TNFSF4: variants seen among roughly 807,000 people sequenced by gnomAD.
TNFSF4 encodes the protein tumor necrosis factor ligand superfamily member 4.
A neutral mutation model predicts 7.3 loss-of-function variants in TNFSF4; 4 were observed. That is an observed-to-expected ratio of 0.55 (90% CI 0.27 to 1.25). The LOEUF (loss-of-function observed/expected upper bound fraction) is 1.25, where lower values mean the gene tolerates loss of function less well. Among genes scored for constraint, TNFSF4 ranks in the 50% most tolerant of loss-of-function variants. The pLI, the probability that TNFSF4 is intolerant of heterozygous loss-of-function variation, is 0.12. For missense variants in TNFSF4, 181 were observed against 208.8 expected, an observed-to-expected ratio of 0.87 and a Z score of 0.82; for synonymous variants, 76 against 83.7, an observed-to-expected ratio of 0.91 and a Z score of 0.50.
intron 1 of TNFSF4, among the ~76,000 whole-genome samples, chr1:173,204,002 G>T (rs917371054): frequency 6.6e-6 from 1 of 152,138 alleles, no homozygotes; most frequent in African/African-American, 2.4e-5. Context: ...TATTCTTACA[G>T]GGCATTCACT....
the TNFSF4 span, among the ~76,000 whole-genome samples, chr1:173,296,524 A>G: frequency 2.0e-5 from 3 of 151,980 alleles, no homozygotes; most frequent in Non-Finnish European, 4.4e-5. Context: ...CACACAAGTG[A>G]TCATTTACTC....
the TNFSF4 span, among the ~76,000 whole-genome samples, chr1:173,245,795 T>C: frequency 6.6e-6 from 1 of 152,192 alleles, no homozygotes; most frequent in Non-Finnish European, 1.5e-5. Flanking sequence ...TGTACTTCTA[T>C]GAGATCTACT....
the TNFSF4 span, among the ~76,000 whole-genome samples, chr1:173,263,804 C>G: frequency 1.3e-5 from 2 of 152,150 alleles, no homozygotes; most frequent in East Asian, 3.9e-4. Flanking sequence ...AGAGCCATAG[C>G]CTTGGGAAGG....
chr1:173,329,059 T>C, the TNFSF4 span, among the ~76,000 whole-genome samples: 1 of 152,188 alleles, frequency 6.6e-6, no homozygotes, highest in East Asian at 1.9e-4. Flanking sequence ...TAAACAATTA[T>C]AGAAAGTATA....
chr1:173,448,042 C>T, the TNFSF4 span, among the ~76,000 whole-genome samples: 3 of 152,102 alleles, frequency 2.0e-5, no homozygotes, highest in Non-Finnish European at 2.9e-5. Context: ...AGAGATATTG[C>T]ATAATGGGAT....
the TNFSF4 span, among the ~76,000 whole-genome samples, chr1:173,226,744 C>T: frequency 6.6e-6 from 1 of 152,180 alleles, no homozygotes; most frequent in African/African-American, 2.4e-5. Context: ...CAGCTGTTAA[C>T]TGAACTGACT....
chr1:173,442,982 G>C, the TNFSF4 span, among the ~76,000 whole-genome samples: 1 of 152,106 alleles, frequency 6.6e-6, no homozygotes. Flanking sequence ...ACCATGCCAG[G>C]CCACTCAGTT....
chr1:173,228,680 G>C, the TNFSF4 span, among the ~76,000 whole-genome samples: 1 of 152,072 alleles, frequency 6.6e-6, no homozygotes, highest in Admixed American at 6.5e-5. Flanking sequence ...TAAAAACCTT[G>C]AAAAAAGATT....
At chr1:173,250,192 CTTG>C in the TNFSF4 span, among the ~76,000 whole-genome samples, 1 of 150,510 alleles carries the variant, frequency 6.6e-6, no homozygotes, top group Non-Finnish European at 1.5e-5. Context: ...TTTTAATCTA[CTTG>C]TTTATTTTTA....
At chr1:173,197,995 T>C (rs1053816452) in intron 1 of TNFSF4, among the ~76,000 whole-genome samples, 1 of 152,134 alleles carries the variant, frequency 6.6e-6, no homozygotes, top group Non-Finnish European at 1.5e-5. Context: ...ACATTACCAG[T>C]TGCATATTGT....
At chr1:173,208,896 GA>G (rs1400311955), upstream of TNFSF4, among the ~76,000 whole-genome samples, 5 of 147,884 alleles carry the variant, frequency 3.4e-5, no homozygotes, top group African/African-American at 1.2e-4. Context: ...GAAATAAGCT[GA>G]AAAAGTAGTA....
intron 1 of TNFSF4, among the ~76,000 whole-genome samples, chr1:173,198,220 G>A (rs912415915): frequency 3.3e-5 from 5 of 152,182 alleles, no homozygotes; most frequent in Non-Finnish European, 7.3e-5. Context: ...GCACACCTGA[G>A]TTCTTCTCCC....
At chr1:173,194,148 G>T (rs887150017) in intron 1 of TNFSF4, among the ~76,000 whole-genome samples, 2 of 152,320 alleles carry the variant, frequency 1.3e-5, no homozygotes, top group African/African-American at 4.8e-5. Context: ...CAAAAAGCAT[G>T]CCTGTCCAAA....
the TNFSF4 span, among the ~76,000 whole-genome samples, chr1:173,280,321 G>A: frequency 3.1e-4 from 47 of 152,122 alleles, 1 homozygote; most frequent in East Asian, 8.9e-3. Flanking sequence ...CTGTCTTTCT[G>A]GTTTCTCTTC....
At chr1:173,327,109 T>C in the TNFSF4 span, among the ~76,000 whole-genome samples, 1 of 152,170 alleles carries the variant, frequency 6.6e-6, no homozygotes, top group African/African-American at 2.4e-5. Context: ...CTACCTGACT[T>C]CAAACTATAC....
At chr1:173,396,420 G>C in the TNFSF4 span, among the ~76,000 whole-genome samples, 1 of 152,234 alleles carries the variant, frequency 6.6e-6, no homozygotes, top group East Asian at 1.9e-4. Flanking sequence ...TGAGGCAGGA[G>C]GATTAACTGA....
chr1:173,417,494 T>A, the TNFSF4 span, among the ~76,000 whole-genome samples: 1 of 131,050 alleles, frequency 7.6e-6, no homozygotes, highest in East Asian at 2.3e-4. Context: ...AACATCTTAA[T>A]AAACCACGTG....
intron 1 of TNFSF4, among the ~76,000 whole-genome samples, chr1:173,198,246 C>T (rs879707603): frequency 6.6e-6 from 1 of 152,208 alleles, no homozygotes; most frequent in African/African-American, 2.4e-5. Context: ...AGAAAATGTT[C>T]TTTCCCTTCC....
the TNFSF4 span, among the ~76,000 whole-genome samples, chr1:173,280,521 C>G: frequency 6.6e-6 from 1 of 152,032 alleles, no homozygotes; most frequent in African/African-American, 2.4e-5. Flanking sequence ...TTAATGGTCC[C>G]TCCTCATTCA....
Sources: allele counts gnomAD v4.1 joint callset (sites outside exome capture counted in the v4.1 genomes callset), GRCh38; gene constraint gnomAD v4.1.1; transcripts MANE v1.5; gene names NCBI Gene and HGNC (gene_info 2026-07-23, HGNC 2026-07-21).